E2F5: variants seen among roughly 807,000 people sequenced by gnomAD.
E2F5 encodes the protein E2F transcription factor 5.
A neutral mutation model predicts 39.1 loss-of-function variants in E2F5; 23 were observed. The observed-to-expected ratio is 0.59, with a 90% CI of 0.42 to 0.83. E2F5 has a LOEUF of 0.83. Among genes scored for constraint, E2F5 ranks in the 40% least tolerant of loss-of-function variants. The pLI is 0.00. For missense variants in E2F5, 365 were observed against 406.7 expected (o/e 0.90, Z 0.88); for synonymous variants, 145 against 157.8 (o/e 0.92, Z 0.61).
intron 1 of E2F5, among the ~76,000 whole-genome samples, chr8:85,186,788 G>GTA (rs1812351920): frequency 6.8e-6 from 1 of 146,574 alleles, no homozygotes; most frequent in South Asian, 2.1e-4. Context: ...TATATAAGGT[G>GTA]TATATATATG....
At chr8:85,188,684 G>C (rs532695363) in intron 1 of E2F5, among the ~76,000 whole-genome samples, 2 of 152,274 alleles carry the variant, frequency 1.3e-5, no homozygotes, top group East Asian at 1.9e-4. Flanking sequence ...TGAAGCCTCG[G>C]GTTATGTGAT....
intron 1 of E2F5, among the ~76,000 whole-genome samples, chr8:85,178,878 T>G (rs1812143276): frequency 6.6e-6 from 1 of 152,250 alleles, no homozygotes; most frequent in South Asian, 2.1e-4. Flanking sequence ...AATCAGTGAT[T>G]GTTGAACTGA....
intron 1 of E2F5, chr8:85,177,956 G>A (rs1482747644): frequency 2.1e-5 from 4 of 191,872 alleles, no homozygotes; most frequent in South Asian, 1.9e-4. Context: ...CCGGGCGCAG[G>A]GACCTGAGGG....
At chr8:85,189,027 T>C (rs986179822) in intron 1 of E2F5, among the ~76,000 whole-genome samples, 1 of 152,166 alleles carries the variant, frequency 6.6e-6, no homozygotes, top group African/African-American at 2.4e-5. Flanking sequence ...CTGGGGAAAA[T>C]TGCTGAAGCG....
intron 1 of E2F5, among the ~76,000 whole-genome samples, chr8:85,196,017 T>A (rs4150913): frequency 0.021 from 3,205 of 152,224 alleles, 44 homozygotes; most frequent in Middle Eastern, 0.031. Context: ...AATTTTTTTT[T>A]AAAAATTTAA....
At chr8:85,193,447 C>T (rs1316103378) in intron 1 of E2F5, among the ~76,000 whole-genome samples, 2 of 152,148 alleles carry the variant, frequency 1.3e-5, no homozygotes, top group Non-Finnish European at 2.9e-5. Context: ...CATGCCACTG[C>T]ACTCCAGCCT....
intron 1 of E2F5, among the ~76,000 whole-genome samples, chr8:85,201,247 G>T (rs961867981): frequency 6.6e-6 from 1 of 152,194 alleles, no homozygotes; most frequent in Non-Finnish European, 1.5e-5. Context: ...TAGCAATTAT[G>T]TGAAGCTAAA....
At chr8:85,199,469 A>G (rs1378484026) in intron 1 of E2F5, among the ~76,000 whole-genome samples, 2 of 152,144 alleles carry the variant, frequency 1.3e-5, no homozygotes. Context: ...GTTCTGTCAC[A>G]TCTATATCTT....
At chr8:85,183,191 G>A (rs1812257414) in intron 1 of E2F5, among the ~76,000 whole-genome samples, 1 of 152,176 alleles carries the variant, frequency 6.6e-6, no homozygotes, top group African/African-American at 2.4e-5. Flanking sequence ...GGCGGAGCTT[G>A]CAGTGAGCCA....
At chr8:85,200,346 TTAAATAG>T (rs1812669970) in intron 1 of E2F5, 1 of 870,678 alleles carries the variant, frequency 1.1e-6, no homozygotes, top group Non-Finnish European at 1.4e-6. Flanking sequence ...GTTTACATAC[TTAAATAG>T]TAAAGTATTT....
chr8:85,202,089 T>A, intron 1 of E2F5, 58 bp from the exon 2 acceptor site: 1 of 1,401,134 alleles, frequency 7.1e-7, no homozygotes, highest in Non-Finnish European at 1.0e-6. Flanking sequence ...CAACCCTTTT[T>A]GGCTTTAAAA....
intron 4 of E2F5, among the ~76,000 whole-genome samples, chr8:85,206,719 A>G (rs149853697): frequency 7.9e-5 from 12 of 152,326 alleles, no homozygotes; most frequent in Admixed American, 7.8e-4. Flanking sequence ...TAAAATAACA[A>G]TATCATGTTA....
At chr8:85,197,647 TTC>T (rs1174752816) in intron 1 of E2F5, among the ~76,000 whole-genome samples, 1 of 152,258 alleles carries the variant, frequency 6.6e-6, no homozygotes, top group African/African-American at 2.4e-5. Context: ...GTTTGTTTTT[TTC>T]TGTAAACTGA....
chr8:85,179,616 C>T (rs531024132), intron 1 of E2F5, among the ~76,000 whole-genome samples: 2 of 151,828 alleles, frequency 1.3e-5, no homozygotes, highest in South Asian at 2.1e-4. Flanking sequence ...ATGTATTTTA[C>T]GTATATTTTT....
intron 5 of E2F5, 125 bp downstream of exon 5, chr8:85,207,614 A>G (rs1440872590): frequency 4.6e-6 from 3 of 658,674 alleles, no homozygotes; most frequent in African/African-American, 1.8e-5. Context: ...GTTTTTATCT[A>G]AAAGTATTGA....
chr8:85,193,384 TAGGC>T (rs1175681971), intron 1 of E2F5, among the ~76,000 whole-genome samples: 2 of 151,984 alleles, frequency 1.3e-5, no homozygotes. Flanking sequence ...TTGGGAGGCT[TAGGC>T]AGGAGAATTG....
Position 85,177,655 on chromosome 8 carries a change from G to T in E2F5, c.234+1G>T. On this transcript the variant is annotated splice_donor_variant, in intron 1 of 7. Transcript: ENST00000416274. LOFTEE classifies it high-confidence loss of function. ...GGACGGCGTTCTGGATCTCAAAGCG[G>T]TGAGCTCCGGAGGCGGGGACGGGGG... The T allele has an allele frequency of 7.8e-7, 1 of 1,287,918 alleles. No homozygotes were observed. The allele number at this position is 1,287,918 out of a possible 1,614,324, so 79.8% of individuals were successfully genotyped here. A position where few individuals can be genotyped will look rare whatever the true frequency, so the allele number is the denominator to read the frequency against.
intron 3 of E2F5, among the ~76,000 whole-genome samples, chr8:85,203,690 A>C (rs1455130842): frequency 6.6e-6 from 1 of 151,640 alleles, no homozygotes; most frequent in Non-Finnish European, 1.5e-5. Flanking sequence ...ATGTGTCCAC[A>C]ATCAATCCTT....
intron 1 of E2F5, among the ~76,000 whole-genome samples, chr8:85,195,181 G>A (rs1179413648): frequency 6.6e-6 from 1 of 151,908 alleles, no homozygotes; most frequent in African/African-American, 2.4e-5. Context: ...TCAGGAGTTC[G>A]AGACCAGCTT....
Sources: gnomAD v4.1 joint callset for allele counts (sites outside exome capture counted in the v4.1 genomes callset) on GRCh38, gnomAD v4.1.1 for gene constraint, MANE v1.5 for transcripts, NCBI Gene and HGNC (gene_info 2026-07-23, HGNC 2026-07-21) for gene names.